ABCB10: variants seen among roughly 807,000 people sequenced by gnomAD.
ABCB10 encodes ATP-binding cassette sub-family B member 10, mitochondrial.
A neutral mutation model predicts 65.4 loss-of-function variants in ABCB10; 54 were observed. The ratio of observed to expected loss-of-function variants is 0.83; its 90% CI spans 0.66 to 1.04. The LOEUF (loss-of-function observed/expected upper bound fraction) is 1.04. Among genes scored for constraint, ABCB10 ranks in the 50% least tolerant of loss-of-function variants. ABCB10 has a pLI of 0.00. For missense variants in ABCB10, 846 were observed against 976.6 expected, an observed-to-expected ratio of 0.87 and a Z score of 1.78; for synonymous variants, 418 against 406.5, an observed-to-expected ratio of 1.03 and a Z score of -0.34.
At chr1:229,527,720 G>T (rs1662479955) in intron 8 of ABCB10, among the ~76,000 whole-genome samples, 2 of 152,226 alleles carry the variant, frequency 1.3e-5, no homozygotes, top group African/African-American at 4.8e-5. Flanking sequence ...AGGTGGCACA[G>T]CTCTGAAGCT....
At chr1:229,550,548 A>AAAAAAAAAAAAAT (rs1663083333) in intron 1 of ABCB10, among the ~76,000 whole-genome samples, 1 of 147,014 alleles carries the variant, frequency 6.8e-6, no homozygotes, top group African/African-American at 2.6e-5. Flanking sequence ...AAAAAAAAAA[A>AAAAAAAAAAAAAT]TTTTAGAAAA....
At chr1:229,553,403 C>G (rs1457272971) in intron 1 of ABCB10, among the ~76,000 whole-genome samples, 4 of 152,032 alleles carry the variant, frequency 2.6e-5, no homozygotes, top group African/African-American at 4.8e-5. Flanking sequence ...AGCCACCGCA[C>G]CCAGCCAGAT....
intron 1 of ABCB10, among the ~76,000 whole-genome samples, chr1:229,556,763 G>A (rs1663256845): frequency 6.6e-6 from 1 of 152,144 alleles, no homozygotes; most frequent in African/African-American, 2.4e-5. Flanking sequence ...CAGAAGTGGT[G>A]GGCGCACCCG....
In ABCB10 at chr1:229,547,646, C is replaced by T; in HGVS notation, c.774G>A (p.Gln258=). Residue 258 remains glutamine, a synonymous_variant, in exon 3 of 13, where the codon CAG becomes CAA. Coordinates refer to ENST00000344517, the MANE Select transcript of ABCB10 (RefSeq NM_012089.3). ...RTSLFSSILR[Q]EVAFFDKTRT... is the part of the protein sequence containing the mutation. ...GAGTCTTGTCAAAGAAAGCAACCTC[C>T]TGCCTCAGAATGGAGGAGAATAATG... is the stretch of plus-strand genomic sequence containing the variant. 1 of 1,614,250 alleles carries T rather than the reference C, an allele frequency of 6.2e-7. No individual in the cohort carries two copies. Among genetic ancestry groups the T allele is most frequent in the South Asian group, 1.1e-5 (1 of 91,090 alleles).
chr1:229,516,772 A>C lies in ABCB10; in HGVS notation c.*1407T>G, dbSNP rs1662185414. Reference sequence around the variant, plus strand: ...GCTTTCTGAAAATCACACTTTATAAAGAACACAAGTAGAGCTTGTTAAAAA... The same window carrying C: ...GCTTTCTGAAAATCACACTTTATAACGAACACAAGTAGAGCTTGTTAAAAA... On this transcript the variant is annotated 3_prime_UTR_variant, in exon 13 of 13. Transcript: ENST00000344517. 1 of 152,226 alleles carries C rather than the reference A, an allele frequency of 6.6e-6. No homozygotes were observed. Among genetic ancestry groups the C allele is most frequent in the Admixed American group, 6.5e-5 (1 of 15,286 alleles). The allele number at this position is 152,226 out of a possible 1,614,324, so 9.4% of individuals were successfully genotyped here.
At chr1:229,535,234 T>C (rs2145395) in intron 6 of ABCB10, 28,702 of 151,908 alleles carry the variant, frequency 0.19, 2,925 homozygotes, top group Middle Eastern at 0.27. Flanking sequence ...CTCCTTGGTA[T>C]TTACCTAAAT....
rs747991687 is a variant in ABCB10, at chr1:229,547,600, G to A, written c.820C>T (p.Arg274Cys). 15 of 1,614,048 alleles carry A rather than the reference G, an allele frequency of 9.3e-6. No individual in the cohort carries two copies. Among genetic ancestry groups the A allele is most frequent in the South Asian group, 1.1e-5 (1 of 91,090 alleles). ...AGGAGTGCAGTGTCTGATGAGAGGC[G>A]GTTAATCAATTCTCCTGTGCGAGTC... ...DKTRTGELINRLSSDTALLGR... is the reference protein window; with the variant it reads ...DKTRTGELINCLSSDTALLGR... The change falls in exon 3 of 13, where the codon CGC becomes TGC. Residue 274 changes from arginine to cysteine, a missense_variant. Transcript: ENST00000344517.
chr1:229,551,602 A>G (rs2102709914), intron 1 of ABCB10, among the ~76,000 whole-genome samples: 1 of 152,344 alleles, frequency 6.6e-6, no homozygotes, highest in South Asian at 2.1e-4. Context: ...CCTGGCTTAA[A>G]ATCCCATAAT....
intron 8 of ABCB10, 98 bp from the exon 9 acceptor site, chr1:229,527,406 T>C: frequency 9.3e-7 from 1 of 1,075,096 alleles, no homozygotes; most frequent in Non-Finnish European, 1.4e-6. Context: ...ACTCATTTTT[T>C]AAAGATCAAA....
At chr1:229,549,978 G>C (rs1455177602) in intron 1 of ABCB10, 1 of 153,072 alleles carries the variant, frequency 6.5e-6, no homozygotes, top group Non-Finnish European at 1.5e-5. Context: ...GGCCTCACTA[G>C]TACTTGGATG....
chr1:229,554,014 C>T lies in ABCB10; in HGVS notation c.517+4122G>A, dbSNP rs80183076. Among the ~76,000 whole-genome samples the T allele has an allele frequency of 9.1e-3, 1,389 of 152,282 alleles. 20 individuals carry two copies. Among genetic ancestry groups the T allele is most frequent in the African/African-American group, 0.032 (1,313 of 41,548 alleles). On this transcript the variant is annotated intron_variant, in intron 1 of 12. Transcript: ENST00000344517. ...AACAACCCATGTCTCTGGCCAAGGC[C>T]AAGAGGTTCGCACTGCAGTCTCTCT...
rs1389997743 is a variant in ABCB10 at position 229,517,730 on chromosome 1, C to G, written c.*449G>C. On this transcript the variant is annotated 3_prime_UTR_variant, in exon 13 of 13. Coordinates refer to ENST00000344517, the MANE Select transcript of ABCB10 (RefSeq NM_012089.3). The stretch of plus-strand genomic sequence containing the variant: ...GGTTAAATTTTCAATTTCCATTATT[C>G]TATCTGTAAAATTAGACTTAAAAGT... The G allele has an allele frequency of 6.4e-6, 1 of 156,512 alleles. No homozygotes were observed. The highest frequency in any genetic ancestry group is 2.4e-5 in the African/African-American group (1 of 41,464). 9.7% of individuals were successfully genotyped at this position (156,512 alleles called of 1,614,324 possible). A position where few individuals can be genotyped will look rare whatever the true frequency, so the allele number is the denominator to read the frequency against.
At chr1:229,537,683 G>A (rs1012385475) in intron 6 of ABCB10, among the ~76,000 whole-genome samples, 3 of 152,116 alleles carry the variant, frequency 2.0e-5, no homozygotes, top group African/African-American at 4.8e-5. Context: ...CCAGCTACTT[G>A]GAAGGCTGAG....
At chr1:229,556,304 G>A (rs551832576) in intron 1 of ABCB10, among the ~76,000 whole-genome samples, 12 of 152,072 alleles carry the variant, frequency 7.9e-5, no homozygotes, top group South Asian at 4.2e-4. Context: ...CCCGGGAGGC[G>A]GAGGTTGCGG....
intron 10 of ABCB10, among the ~76,000 whole-genome samples, chr1:229,522,055 T>C (rs969455552): frequency 4.0e-5 from 6 of 151,844 alleles, no homozygotes; most frequent in Admixed American, 1.3e-4. Context: ...GATGGGGTTT[T>C]GCCATGTTGC....
chr1:229,535,972 C>T (rs1025289310), intron 6 of ABCB10, among the ~76,000 whole-genome samples: 10 of 151,970 alleles, frequency 6.6e-5, no homozygotes, highest in African/African-American at 2.4e-4. Flanking sequence ...GTGATCTGCC[C>T]GCCTCAGCCT....
chr1:229,523,988 T>A (rs1662374585), intron 10 of ABCB10, among the ~76,000 whole-genome samples: 1 of 151,786 alleles, frequency 6.6e-6, no homozygotes, highest in Non-Finnish European at 1.5e-5. Flanking sequence ...TATATATATA[T>A]ATATATTTTA....
intron 12 of ABCB10, 73 bp from the exon 13 acceptor site, chr1:229,518,483 G>T: frequency 8.0e-7 from 1 of 1,248,290 alleles, no homozygotes; most frequent in Non-Finnish European, 1.2e-6. Flanking sequence ...ACACACAGCA[G>T]CCCTTCCTGA....
chr1:229,539,554 A>C lies in ABCB10; in HGVS notation c.1241T>G (p.Leu414Arg). 2 of 1,614,078 alleles carry C rather than the reference A, an allele frequency of 1.2e-6. No individual in the cohort carries two copies. Among genetic ancestry groups the C allele is most frequent in the Non-Finnish European group, 1.7e-6 (2 of 1,180,004 alleles). The change falls in exon 6 of 13, where the codon CTG becomes CGG. Residue 414 changes from leucine to arginine, a missense_variant. Around this residue, in one of 2 missense-constraint regions of ABCB10, gnomAD observed 632 missense variants for 803.2 expected, o/e 0.79. Transcript: ENST00000344517. ...GCCCATCAGCAGCCCTCCTTTGTAC[A>C]GGACAGAAAGCACGATCAGGTTTCC... is the stretch of plus-strand genomic sequence containing the variant. ...LSGNLIVLSV[L>R]YKGGLLMGSA...
Sources: gnomAD v4.1 joint callset for allele counts (sites outside exome capture counted in the v4.1 genomes callset) on GRCh38, gnomAD v4.1.1 for gene constraint, gnomAD v4.1.1 regional missense constraint, MANE v1.5 for transcripts, NCBI Gene and HGNC (gene_info 2026-07-23, HGNC 2026-07-21) for gene names.